RAB40C: variants seen among roughly 807,000 people sequenced by gnomAD.
The protein encoded by RAB40C is ras-related protein Rab-40C.
In RAB40C, 8 loss-of-function variants were observed where a neutral mutation model predicts 28.1. That is an observed-to-expected ratio of 0.28 (90% CI 0.17 to 0.51). The LOEUF is 0.51. Among genes scored for constraint, RAB40C ranks in the 20% least tolerant of loss-of-function variants. RAB40C has a pLI of 0.97. For missense variants in RAB40C, 288 were observed against 405.9 expected (o/e 0.71, Z 2.50); for synonymous variants, 201 against 171.7 (o/e 1.17, Z -1.34).
At chr16:592,149 A>T (rs1451049976) in intron 1 of RAB40C, among the ~76,000 whole-genome samples, 1 of 152,216 alleles carries the variant, frequency 6.6e-6, no homozygotes, top group African/African-American at 2.4e-5. Flanking sequence ...TACGCTGGCG[A>T]ACTTACCTCT....
chr16:626,540 G>GA (rs2036839690), intron 5 of RAB40C, among the ~76,000 whole-genome samples: 1 of 151,942 alleles, frequency 6.6e-6, no homozygotes. Flanking sequence ...AGGCTCCCGT[G>GA]AAGCCCCCCT....
intron 1 of RAB40C, among the ~76,000 whole-genome samples, chr16:613,824 C>T (rs773682689): frequency 6.6e-5 from 10 of 151,876 alleles, no homozygotes; most frequent in Non-Finnish European, 1.3e-4. Flanking sequence ...TGGTGGGGGT[C>T]GTGGGCAGCA....
chr16:600,404 A>G (rs1035971497), intron 1 of RAB40C, among the ~76,000 whole-genome samples: 1 of 152,248 alleles, frequency 6.6e-6, no homozygotes, highest in African/African-American at 2.4e-5. Context: ...AGTAATAGAA[A>G]TGGATGTCAC....
intron 1 of RAB40C, among the ~76,000 whole-genome samples, chr16:597,793 C>T (rs559372324): frequency 6.6e-6 from 1 of 151,786 alleles, no homozygotes; most frequent in Admixed American, 6.6e-5. Context: ...CCCAGCCCAG[C>T]TCAGCATCTT....
intron 4 of RAB40C, 176 bp downstream of exon 4, chr16:625,685 C>A: frequency 1.2e-6 from 1 of 837,934 alleles, no homozygotes; most frequent in Non-Finnish European, 1.9e-6. Flanking sequence ...GACAGTCGGG[C>A]GTGGAGCCCA....
chr16:593,618 A>G (rs2036048436), intron 1 of RAB40C, among the ~76,000 whole-genome samples: 1 of 152,124 alleles, frequency 6.6e-6, no homozygotes, highest in African/African-American at 2.4e-5. Context: ...GTGAGCGTAC[A>G]TTGCCCTCTC....
rs1018891543 is a variant in RAB40C at position 624,359 on chromosome 16, A to G, written c.265-1073A>G. On this transcript the variant is annotated intron_variant, in intron 3 of 5. Coordinates refer to ENST00000248139, the MANE Select transcript of RAB40C (RefSeq NM_021168.5). ...CTGGGTGTGCATTTGTTTATTCTGA[A>G]TCTTATCATTTATCGCCCACCAGAC... The G allele has an allele frequency of 4.1e-6, 4 of 985,290 alleles. No individual in the cohort carries two copies. The African/African-American group carries it at 5.2e-5, about 13-fold the overall frequency. 61.0% of individuals were successfully genotyped at this position (985,290 alleles called of 1,614,324 possible). A position where few individuals can be genotyped will look rare whatever the true frequency, so the allele number is the denominator to read the frequency against.
Position 625,966 on chromosome 16 carries a change from C to A in RAB40C, c.410C>A (p.Pro137Gln). 4.3e-6 allele frequency: 7 copies of A among 1,613,072 alleles called. No homozygotes were observed. The highest frequency in any genetic ancestry group is 5.9e-6 in the Non-Finnish European group (7 of 1,179,984). ...RLHLAFKRQV[P>Q]TEQARAYAEK... ...CACCTGGCCTTCAAGCGGCAGGTCC[C>A]GACGGAGCAGGCCCGCGCGTACGCA... Residue 137 changes from proline (P) to glutamine (Q), a missense_variant, in exon 5 of 6, where the codon CCG becomes CAG. By Grantham distance (76) the Pro-to-Gln change is moderately conservative. Coordinates refer to ENST00000248139, the MANE Select transcript of RAB40C (RefSeq NM_021168.5).
At chr16:590,458 C>T in intron 1 of RAB40C, 25 bp downstream of exon 1, 2 of 1,546,304 alleles carry the variant, frequency 1.3e-6, no homozygotes, top group Non-Finnish European at 1.7e-6. Context: ...GCGGCGCGCG[C>T]TGCTACGCGG....
At chr16:600,819 A>G (rs2036233740) in intron 1 of RAB40C, among the ~76,000 whole-genome samples, 1 of 152,354 alleles carries the variant, frequency 6.6e-6, no homozygotes, top group South Asian at 2.1e-4. Flanking sequence ...ATAATTCATT[A>G]TCAGCAAGCG....
intron 1 of RAB40C, among the ~76,000 whole-genome samples, chr16:613,071 G>A (rs1250629586): frequency 1.8e-5 from 2 of 110,930 alleles, no homozygotes; most frequent in African/African-American, 3.6e-5. Context: ...AGCATCAAGA[G>A]CAAGGGACAG....
At position 627,605 on chromosome 16, in the gene RAB40C, A is replaced by G; in HGVS notation, c.829A>G (p.Asn277Asp). ...QSPPQNCSRSNCKIS is the reference protein window; with the variant it reads ...QSPPQNCSRSDCKIS Reference sequence around the variant, plus strand: ...CCCCCCCCAGAACTGCTCGCGGAGTAACTGCAAGATCTCCTAGCGGGGATG... The same window carrying G: ...CCCCCCCCAGAACTGCTCGCGGAGTGACTGCAAGATCTCCTAGCGGGGATG... Residue 277 changes from asparagine (N) to aspartate (D), a missense_variant, in exon 6 of 6, where the codon AAC becomes GAC. Asn to Asp is a conservative substitution (Grantham distance 23). This residue lies in a region of RAB40C where 57 missense variants were observed against 55.3 expected (regional missense o/e 1.03). Transcript: ENST00000248139. The G allele has an allele frequency of 6.3e-7, 1 of 1,592,410 alleles. No homozygotes were observed.
chr16:623,346 T>C (rs2036760660), intron 3 of RAB40C, among the ~76,000 whole-genome samples: 1 of 152,180 alleles, frequency 6.6e-6, no homozygotes, highest in African/African-American at 2.4e-5. Context: ...GTTCATACTT[T>C]TATTTTTTAA....
chr16:617,284 G>A lies in RAB40C; in HGVS notation c.203+16G>A, dbSNP rs375432438. 3.1e-6 allele frequency: 5 copies of A among 1,613,982 alleles called. No individual in the cohort carries two copies. The highest frequency in any genetic ancestry group is 2.2e-5 in the East Asian group (1 of 44,880). Reference sequence around the variant, plus strand: ...TGGAGCTCTGGTGAGTTGGGGCTGCGGCACTTCAGTTCCTGGGTGAGGACA... The same window carrying A: ...TGGAGCTCTGGTGAGTTGGGGCTGCAGCACTTCAGTTCCTGGGTGAGGACA... On this transcript the variant is annotated intron_variant, in intron 2 of 5. Transcript: ENST00000248139.
rs373626563 is a variant in RAB40C, at chr16:607,531, C to T, written c.143-9677C>T. ...AAAAAAAAAAACGGGGGGCCGGGCG[C>T]GGTGGCTCACGCCTGTAATCGCAGC... On this transcript the variant is annotated intron_variant, in intron 1 of 5. Coordinates refer to ENST00000248139, the MANE Select transcript of RAB40C (RefSeq NM_021168.5). 7.1e-3 allele frequency among the ~76,000 whole-genome samples: 1,062 copies of T among 149,782 alleles called. 17 individuals are homozygous for T. Among genetic ancestry groups the T allele is most frequent in the African/African-American group, 0.025 (1,009 of 40,734 alleles).
At chr16:609,868 TGGAGGGG>T (rs1382158795) in intron 1 of RAB40C, among the ~76,000 whole-genome samples, 2 of 151,860 alleles carry the variant, frequency 1.3e-5, no homozygotes, top group Non-Finnish European at 1.5e-5. Flanking sequence ...GCTGTGTGCC[TGGAGGGG>T]GGAGCTGAGG....
chr16:626,253 C>G, intron 5 of RAB40C, 132 bp downstream of exon 5: 1 of 869,698 alleles, frequency 1.1e-6, no homozygotes, highest in Admixed American at 2.3e-5. Flanking sequence ...AGTAGGGGCT[C>G]GGCCGGCGGC....
At chr16:591,079 C>A (rs542597517) in intron 1 of RAB40C, among the ~76,000 whole-genome samples, 106 of 142,902 alleles carry the variant, frequency 7.4e-4, no homozygotes, top group Middle Eastern at 4.6e-3. Context: ...GCATCATGGT[C>A]CTAAGGGAAG....
intron 1 of RAB40C, among the ~76,000 whole-genome samples, chr16:609,835 G>A (rs147674090): frequency 6.6e-5 from 10 of 152,314 alleles, no homozygotes; most frequent in South Asian, 2.1e-4. Context: ...CCTGGCTGGC[G>A]CGGCTCAGGA....
Sources: allele counts gnomAD v4.1 joint callset (sites outside exome capture counted in the v4.1 genomes callset), GRCh38; gene constraint gnomAD v4.1.1; regional missense constraint gnomAD v4.1.1; transcripts MANE v1.5; gene names NCBI Gene and HGNC (gene_info 2026-07-23, HGNC 2026-07-21).